Variants in CEP72 observed in about 807,000 individuals in gnomAD.
The protein encoded by CEP72 is centrosomal protein of 72 kDa.
CEP72 carries 78 observed loss-of-function variants against 65.7 expected under a neutral mutation model. The observed-to-expected ratio is 1.19, with a 90% CI of 0.99 to 1.43. The LOEUF is 1.43. Ranked by LOEUF, CEP72 falls within the 40% of genes most tolerant of loss-of-function variation. The pLI is 0.00. For missense variants in CEP72, 914 were observed against 832.9 expected (o/e 1.10, Z -1.20); for synonymous variants, 358 against 351.7 (o/e 1.02, Z -0.20).
At chr5:619,581 C>T (rs1736244675) in intron 2 of CEP72, among the ~76,000 whole-genome samples, 1 of 152,144 alleles carries the variant, frequency 6.6e-6, no homozygotes, top group East Asian at 1.9e-4. Flanking sequence ...CCGTGGGATG[C>T]GCCTGCCCTG....
chr5:668,351 G>A (rs61495967), downstream of CEP72, among the ~76,000 whole-genome samples: 2,291 of 92,688 alleles, frequency 0.025, 105 homozygotes, highest in Non-Finnish European at 0.034. Context: ...AGGGAAGTGC[G>A]GACAAGCACA....
At chr5:670,008 G>A (rs999965180), downstream of CEP72, among the ~76,000 whole-genome samples, 13 of 152,308 alleles carry the variant, frequency 8.5e-5, no homozygotes, top group Admixed American at 2.0e-4. Context: ...CCCCAAAGCC[G>A]GCCCAGCAGG....
At chr5:668,805 A>G (rs1364369857), downstream of CEP72, among the ~76,000 whole-genome samples, 2 of 152,248 alleles carry the variant, frequency 1.3e-5, no homozygotes, top group Non-Finnish European at 2.9e-5. Context: ...GCCAGACCAC[A>G]GTGCTGTGAT....
chr5:664,991 G>A, intron 2 of CEP72: 1 of 1,350,700 alleles, frequency 7.4e-7, no homozygotes, highest in Non-Finnish European at 1.0e-6. Context: ...AGCCCCCTCT[G>A]GGGCACCCGT....
chr5:657,811 G>A (rs1739418968), downstream of CEP72, among the ~76,000 whole-genome samples: 1 of 152,186 alleles, frequency 6.6e-6, no homozygotes, highest in Admixed American at 6.5e-5. Flanking sequence ...ACAGGATTAG[G>A]AAGTCTGTTT....
At position 619,704 on chromosome 5, in the gene CEP72, G is replaced by A. The variant is rs1446323153; in HGVS notation, c.211-365G>A. Among the ~76,000 whole-genome samples the A allele has an allele frequency of 5.9e-5, 9 of 152,330 alleles. No homozygotes were observed. In the East Asian group the frequency reaches 7.7e-4, roughly 13 times the overall value. Reference sequence around the variant, plus strand: ...ACCCAGTGCTGCCTCATCTTTCCCCGTTCCCAGGCCTCAGCTTTCTCATCT... The same window carrying A: ...ACCCAGTGCTGCCTCATCTTTCCCCATTCCCAGGCCTCAGCTTTCTCATCT... On this transcript the variant is annotated intron_variant, in intron 2 of 11. Transcript: ENST00000264935.
Position 624,955 on chromosome 5 carries a change from G to A in CEP72, c.512+376G>A, listed in dbSNP as rs1736651268. Among the ~76,000 whole-genome samples the A allele has an allele frequency of 6.6e-6, 1 of 152,136 alleles. No homozygotes were observed. ...ATCCAGCCAAATCCCACTTCTGGCCGTGAGCACATTCAGCAGGACCCGTCT... is the reference window on the plus strand; with the variant it reads ...ATCCAGCCAAATCCCACTTCTGGCCATGAGCACATTCAGCAGGACCCGTCT... On this transcript the variant is annotated intron_variant, in intron 4 of 11. Transcript: ENST00000264935. The surrounding 1 kb of genome is among the most constrained non-coding windows in gnomAD (Gnocchi z 4.7).
downstream of CEP72, among the ~76,000 whole-genome samples, chr5:668,975 G>A (rs1285285399): frequency 6.6e-6 from 1 of 152,220 alleles, no homozygotes; most frequent in African/African-American, 2.4e-5. Context: ...CAGCACCTGA[G>A]GGTTCCCATA....
intron 5 of CEP72, 26 bp from the exon 6 acceptor site, chr5:635,346 A>G (rs1213167742): frequency 6.7e-7 from 1 of 1,481,894 alleles, no homozygotes; most frequent in East Asian, 2.5e-5. Flanking sequence ...GTTTTATGAA[A>G]TATTTTATTT....
chr5:667,269 A>T (rs543923147), downstream of CEP72: 1 of 152,248 alleles, frequency 6.6e-6, no homozygotes, highest in Non-Finnish European at 1.5e-5. Flanking sequence ...TGGCTCAGCC[A>T]CATGCATGCT....
chr5:640,478 T>A lies in CEP72; in HGVS notation c.1413T>A (p.Gly471=), dbSNP rs138037762. The A allele has an allele frequency of 1.2e-6, 2 of 1,614,208 alleles. No homozygotes were observed. The highest frequency in any genetic ancestry group is 4.5e-5 in the East Asian group (2 of 44,890). Reference sequence around the variant, plus strand: ...CTCAGGACAGCTCTGCGATGGTGGGTGAAGATGTCGGCTCCCTGGCTCTGG... The same window carrying A: ...CTCAGGACAGCTCTGCGATGGTGGGAGAAGATGTCGGCTCCCTGGCTCTGG... ...TAAQDSSAMV[G]EDVGSLALES... is the part of the protein sequence containing the mutation. Residue 471 remains glycine, a synonymous_variant, in exon 9 of 12, where the codon GGT becomes GGA. Transcript: ENST00000264935.
chr5:621,496 G>T (rs1736389100), intron 3 of CEP72, among the ~76,000 whole-genome samples: 1 of 152,220 alleles, frequency 6.6e-6, no homozygotes, highest in East Asian at 1.9e-4. Context: ...GTGGGCGTCG[G>T]GACTGAGGGC....
chr5:672,934 T>TAAAC, the CEP72 span, among the ~76,000 whole-genome samples: 1 of 152,216 alleles, frequency 6.6e-6, no homozygotes, highest in East Asian at 1.9e-4. Flanking sequence ...CAACGAGGAC[T>TAAAC]AAACAAAGGC....
At chr5:620,361 A>AT (rs1380772679) in intron 3 of CEP72, 100 bp downstream of exon 3, 1 of 1,045,662 alleles carries the variant, frequency 9.6e-7, no homozygotes, top group East Asian at 2.4e-5. Flanking sequence ...CACATGCTTG[A>AT]TTCCTTCTGG....
intron 8 of CEP72, among the ~76,000 whole-genome samples, chr5:639,897 T>A (rs191020262): frequency 3.5e-4 from 53 of 152,342 alleles, no homozygotes; most frequent in African/African-American, 1.2e-3. Flanking sequence ...TGCAGTGTTA[T>A]AGCCCCTCAG....
downstream of CEP72, among the ~76,000 whole-genome samples, chr5:671,579 G>C (rs1580082296): frequency 6.6e-6 from 1 of 152,240 alleles, no homozygotes; most frequent in South Asian, 2.1e-4. Context: ...ACGGGTGCCT[G>C]TCGCCGCACA....
At position 628,611 on chromosome 5, in the gene CEP72, CAGG is replaced by C. The variant is rs1561037104; in HGVS notation, c.512+4033_512+4035del. Among the ~76,000 whole-genome samples the C allele has an allele frequency of 6.8e-5, 8 of 118,506 alleles. 1 individual carries two copies. Among genetic ancestry groups the C allele is most frequent in the South Asian group, 3.1e-4 (1 of 3,184 alleles). 77.7% of individuals were successfully genotyped at this position (118,506 alleles called of 152,430 possible). ...TTCTTTGTGCAGCTTCTGGAGAACT[CAGG>C]TCGCAGTCCCCGGGGAGTGGCCCCA... On this transcript the variant is annotated intron_variant, in intron 4 of 11. Coordinates refer to ENST00000264935, the MANE Select transcript of CEP72 (RefSeq NM_018140.4).
downstream of CEP72, among the ~76,000 whole-genome samples, chr5:659,025 G>A (rs1736718890): frequency 6.6e-6 from 1 of 152,198 alleles, no homozygotes; most frequent in African/African-American, 2.4e-5. Flanking sequence ...CTCATTTTGT[G>A]CTGTTTGTTC....
downstream of CEP72, among the ~76,000 whole-genome samples, chr5:671,157 G>C (rs1246529621): frequency 3.9e-5 from 6 of 152,206 alleles, no homozygotes. Flanking sequence ...GGGGCCGCCT[G>C]GGATCAGCGC....
Sources: allele counts gnomAD v4.1 joint callset (sites outside exome capture counted in the v4.1 genomes callset), GRCh38; gene constraint gnomAD v4.1.1; non-coding constraint Gnocchi (gnomAD v3.1); transcripts MANE v1.5; gene names NCBI Gene and HGNC (gene_info 2026-07-23, HGNC 2026-07-21).